LRRC40: variants seen among roughly 807,000 people sequenced by gnomAD.
LRRC40 encodes leucine rich repeat containing 40.
LRRC40 carries 76 observed loss-of-function variants against 72.8 expected under a neutral mutation model. The observed-to-expected ratio is 1.04, with a 90% CI of 0.87 to 1.26. LRRC40 has a LOEUF of 1.26. Ranked by LOEUF, LRRC40 falls within the 50% of genes most tolerant of loss-of-function variation. The pLI is 0.00. For missense variants in LRRC40, 684 were observed against 698.9 expected, an observed-to-expected ratio of 0.98 and a Z score of 0.24; for synonymous variants, 243 against 254.2, an observed-to-expected ratio of 0.96 and a Z score of 0.42.
At chr1:70,184,956 T>C (rs762162947) in intron 3 of LRRC40, 42 bp from the exon 4 acceptor site, 2 of 1,474,164 alleles carry the variant, frequency 1.4e-6, no homozygotes, top group South Asian at 2.4e-5. Flanking sequence ...TTAGTGGCAA[T>C]ACAATAAATA....
intron 7 of LRRC40, 84 bp downstream of exon 7, chr1:70,175,726 T>A (rs1191541927): frequency 2.0e-6 from 2 of 1,002,134 alleles, no homozygotes; most frequent in African/African-American, 3.4e-5. Context: ...AAAAGGAACC[T>A]CTTGGTTTTT....
intron 11 of LRRC40, 43 bp downstream of exon 11, chr1:70,155,646 C>T: frequency 1.1e-6 from 1 of 877,604 alleles, no homozygotes; most frequent in Non-Finnish European, 1.7e-6. Context: ...GGAAAAACAA[C>T]AGAATGAGTC....
chr1:70,166,429 G>A (rs1250324617), intron 9 of LRRC40, among the ~76,000 whole-genome samples: 1 of 152,134 alleles, frequency 6.6e-6, no homozygotes, highest in Non-Finnish European at 1.5e-5. Context: ...GGGAGGTGAG[G>A]CAGGAGGATC....
At chr1:70,203,970 A>T (rs1312659048) in intron 1 of LRRC40, among the ~76,000 whole-genome samples, 2 of 152,184 alleles carry the variant, frequency 1.3e-5, no homozygotes, top group East Asian at 3.8e-4. Context: ...CCTCCTATGA[A>T]ATGCTGTTTA....
At chr1:70,149,225 G>A (rs970648346) in intron 13 of LRRC40, among the ~76,000 whole-genome samples, 1 of 152,174 alleles carries the variant, frequency 6.6e-6, no homozygotes, top group African/African-American at 2.4e-5. Context: ...TGCAATTAAC[G>A]TAAAATGGCT....
chr1:70,203,932 C>A (rs1031881684), intron 1 of LRRC40, among the ~76,000 whole-genome samples: 2 of 152,134 alleles, frequency 1.3e-5, no homozygotes. Flanking sequence ...GCTACAAATA[C>A]CATGAGTTTC....
At chr1:70,194,008 C>G (rs1025373520) in intron 1 of LRRC40, among the ~76,000 whole-genome samples, 1 of 152,028 alleles carries the variant, frequency 6.6e-6, no homozygotes, top group Admixed American at 6.6e-5. Context: ...GCAGTGCTTT[C>G]TCTTTAAAAG....
rs183028041 is a variant in LRRC40, at chr1:70,169,767, C to A, written c.1111+3698G>T. ...ACAGACAATCTGAGTATATCTATAA[C>A]ACGTGAAGAGTAATAAAAAAAACCT... On this transcript the variant is annotated intron_variant, in intron 9 of 14. Transcript: ENST00000370952. Among the ~76,000 whole-genome samples the A allele has an allele frequency of 1.7e-3, 257 of 152,154 alleles. 2 individuals are homozygous for A. Among genetic ancestry groups the A allele is most frequent in the African/African-American group, 5.7e-3 (238 of 41,510 alleles).
At chr1:70,158,797 G>A (rs565995209) in intron 10 of LRRC40, among the ~76,000 whole-genome samples, 1 of 152,128 alleles carries the variant, frequency 6.6e-6, no homozygotes, top group East Asian at 1.9e-4. Flanking sequence ...TACTAACATA[G>A]ACACCCACCA....
At chr1:70,167,559 G>GAAAACA (rs1015979812) in intron 9 of LRRC40, among the ~76,000 whole-genome samples, 1 of 152,020 alleles carries the variant, frequency 6.6e-6, no homozygotes, top group Non-Finnish European at 1.5e-5. Flanking sequence ...GACTCTGTCT[G>GAAAACA]AAAACAAAAA....
intron 1 of LRRC40, among the ~76,000 whole-genome samples, chr1:70,193,505 T>C (rs1239765715): frequency 2.0e-5 from 3 of 151,996 alleles, no homozygotes; most frequent in Non-Finnish European, 4.4e-5. Flanking sequence ...CAGGCAGACA[T>C]TTTCACTGGT....
intron 1 of LRRC40, among the ~76,000 whole-genome samples, chr1:70,203,570 C>A (rs968931067): frequency 1.3e-5 from 2 of 152,128 alleles, no homozygotes; most frequent in Non-Finnish European, 2.9e-5. Context: ...CTCCAGGAAA[C>A]CAACTAGAAG....
chr1:70,148,272 T>C (rs575037371), intron 14 of LRRC40, among the ~76,000 whole-genome samples: 1 of 152,176 alleles, frequency 6.6e-6, no homozygotes, highest in East Asian at 1.9e-4. Context: ...TTAGTTATTA[T>C]ATTCACACAT....
At chr1:70,170,564 C>G (rs1039024497) in intron 9 of LRRC40, among the ~76,000 whole-genome samples, 1 of 152,124 alleles carries the variant, frequency 6.6e-6, no homozygotes, top group Non-Finnish European at 1.5e-5. Context: ...ATTCAAAAAT[C>G]ATTGTATTCC....
At chr1:70,178,787 A>C in intron 6 of LRRC40, 64 bp downstream of exon 6, 2 of 1,080,844 alleles carry the variant, frequency 1.9e-6, no homozygotes, top group Non-Finnish European at 2.6e-6. Flanking sequence ...TAGCTCCTTT[A>C]AAAATGCATT....
At chr1:70,177,902 C>G (rs970482575) in intron 6 of LRRC40, among the ~76,000 whole-genome samples, 2 of 152,118 alleles carry the variant, frequency 1.3e-5, no homozygotes, top group African/African-American at 2.4e-5. Context: ...CTACTCAACA[C>G]GAGGACAATG....
intron 1 of LRRC40, among the ~76,000 whole-genome samples, chr1:70,204,461 G>C (rs1668848411): frequency 6.6e-6 from 1 of 151,740 alleles, no homozygotes; most frequent in South Asian, 2.1e-4. Context: ...AAACCAAGTA[G>C]ATATATATAT....
chr1:70,177,496 A>G (rs987883628), intron 6 of LRRC40, among the ~76,000 whole-genome samples: 7 of 152,158 alleles, frequency 4.6e-5, no homozygotes, highest in Non-Finnish European at 1.5e-5. Context: ...GTCACAGTAA[A>G]AAATGATCTC....
At chr1:70,181,513 TG>T (rs2100309116) in intron 4 of LRRC40, among the ~76,000 whole-genome samples, 1 of 152,222 alleles carries the variant, frequency 6.6e-6, no homozygotes, top group Non-Finnish European at 1.5e-5. Context: ...TGCCATATTA[TG>T]CATCATATTT....
Sources: allele counts gnomAD v4.1 joint callset (sites outside exome capture counted in the v4.1 genomes callset), GRCh38; gene constraint gnomAD v4.1.1; transcripts MANE v1.5; gene names NCBI Gene and HGNC (gene_info 2026-07-23, HGNC 2026-07-21).